RBMS1: variants seen among roughly 807,000 people sequenced by gnomAD.
The protein encoded by RBMS1 is RNA-binding motif, single-stranded-interacting protein 1.
In RBMS1, 17 loss-of-function variants were observed where a neutral mutation model predicts 62.3. That is an observed-to-expected ratio of 0.27 (90% confidence interval 0.19 to 0.41). The LOEUF is 0.41. RBMS1 is among the 10% of genes least tolerant of loss of function. The probability of loss-of-function intolerance (pLI) is 1.00; values close to 1 mark genes in which losing one functional copy is unlikely to be tolerated. For synonymous variants in RBMS1, 172 were observed against 170.0 expected (o/e 1.01, Z -0.09); for missense variants, 334 against 504.5 (o/e 0.66, Z 3.24).
chr2:160,330,628 T>TG (rs933996994), intron 2 of RBMS1, among the ~76,000 whole-genome samples: 16 of 151,816 alleles, frequency 1.1e-4, no homozygotes, highest in Non-Finnish European at 1.9e-4. Context: ...GTTTTTTTTT[T>TG]TTGTTTGTTT....
chr2:160,403,123 G>A (rs977467268), intron 1 of RBMS1, among the ~76,000 whole-genome samples: 5 of 152,312 alleles, frequency 3.3e-5, no homozygotes, highest in African/African-American at 1.2e-4. Context: ...GAATTGTACA[G>A]TTTTCAAATG....
intron 2 of RBMS1, among the ~76,000 whole-genome samples, chr2:160,346,596 C>A (rs927503051): frequency 1.3e-5 from 2 of 152,118 alleles, no homozygotes; most frequent in African/African-American, 4.8e-5. Flanking sequence ...GATACATTAA[C>A]CAATGCAGGA....
chr2:160,275,645 T>G lies in RBMS1; in HGVS notation c.1213A>C (p.Asn405His). 6.2e-7 allele frequency: 1 copy of G among 1,613,498 alleles called. No homozygotes were observed. The highest frequency in any genetic ancestry group is 8.5e-7 in the Non-Finnish European group (1 of 1,179,560). The change falls in exon 13 of 14, where the codon AAT (asparagine) becomes CAT (histidine). Residue 405 changes from asparagine (N) to histidine (H), a missense_variant. Asn to His is a moderately conservative substitution (Grantham distance 68). Coordinates refer to ENST00000348849, the MANE Select transcript of RBMS1 (RefSeq NM_016836.4). ...NDHSPYTFQPNK is the reference protein window; with the variant it reads ...NDHSPYTFQPHK Reference sequence around the variant, plus strand: ...TCCCTCATACCTCACAGTTACTTATTAGGTTGAAAGGTATATGGAGAATGG... The same window carrying G: ...TCCCTCATACCTCACAGTTACTTATGAGGTTGAAAGGTATATGGAGAATGG...
chr2:160,387,506 C>T (rs1394858499), intron 1 of RBMS1, among the ~76,000 whole-genome samples: 1 of 152,036 alleles, frequency 6.6e-6, no homozygotes, highest in Non-Finnish European at 1.5e-5. Flanking sequence ...TCTGATTAGA[C>T]AGCTGACCAG....
chr2:160,440,824 G>A (rs1683381260), intron 1 of RBMS1, among the ~76,000 whole-genome samples: 1 of 152,084 alleles, frequency 6.6e-6, no homozygotes, highest in Non-Finnish European at 1.5e-5. Context: ...TTTCCATCTT[G>A]GATTATTCAT....
At chr2:160,469,639 C>T (rs946971903) in intron 1 of RBMS1, among the ~76,000 whole-genome samples, 1 of 152,194 alleles carries the variant, frequency 6.6e-6, no homozygotes, top group Non-Finnish European at 1.5e-5. Flanking sequence ...CTACCCAGAC[C>T]TTCTGTTTCC....
chr2:160,396,118 A>T (rs1173696213), intron 1 of RBMS1, among the ~76,000 whole-genome samples: 1 of 152,120 alleles, frequency 6.6e-6, no homozygotes, highest in East Asian at 1.9e-4. Flanking sequence ...CCTTCGAGTG[A>T]TAAGAGCTGG....
chr2:160,443,106 T>C (rs1559556347), intron 1 of RBMS1, among the ~76,000 whole-genome samples: 1 of 151,406 alleles, frequency 6.6e-6, no homozygotes, highest in Non-Finnish European at 1.5e-5. Context: ...CTTGGGAGGC[T>C]GAGGCAGAAG....
At chr2:160,366,265 A>G (rs975890066) in intron 2 of RBMS1, among the ~76,000 whole-genome samples, 3 of 152,254 alleles carry the variant, frequency 2.0e-5, no homozygotes, top group Non-Finnish European at 4.4e-5. Flanking sequence ...TTTTCTTAAA[A>G]AAATAAGAAG....
chr2:160,424,598 C>G (rs1696571071), intron 1 of RBMS1, among the ~76,000 whole-genome samples: 2 of 152,102 alleles, frequency 1.3e-5, no homozygotes, highest in Admixed American at 1.3e-4. Context: ...GGAAGCTGAG[C>G]AACTGAATTT....
At chr2:160,382,520 G>A (rs148649515) in intron 1 of RBMS1, among the ~76,000 whole-genome samples, 121 of 152,218 alleles carry the variant, frequency 7.9e-4, no homozygotes, top group Non-Finnish European at 1.5e-3. Flanking sequence ...GGGGTATATG[G>A]GTATCTGTCT....
At chr2:160,366,360 T>A (rs1198688863) in intron 2 of RBMS1, among the ~76,000 whole-genome samples, 1 of 152,248 alleles carries the variant, frequency 6.6e-6, no homozygotes, top group Non-Finnish European at 1.5e-5. Context: ...GGAAACATTC[T>A]CTAGCAAAAG....
At chr2:160,311,238 A>ATATATATATATATATATC (rs1689881556) in intron 4 of RBMS1, among the ~76,000 whole-genome samples, 1 of 119,248 alleles carries the variant, frequency 8.4e-6, no homozygotes, top group African/African-American at 2.9e-5. Context: ...CTATCTATAT[A>ATATATATATATATATATC]TATATATATA....
intron 1 of RBMS1, among the ~76,000 whole-genome samples, chr2:160,414,708 A>G (rs1173977523): frequency 1.3e-5 from 2 of 152,148 alleles, no homozygotes; most frequent in Non-Finnish European, 2.9e-5. Flanking sequence ...AGGGTTATCT[A>G]TAAGTTTCTG....
chr2:160,320,289 A>G (rs1050714982), intron 2 of RBMS1, among the ~76,000 whole-genome samples: 1 of 152,152 alleles, frequency 6.6e-6, no homozygotes, highest in African/African-American at 2.4e-5. Flanking sequence ...GCAACACGGC[A>G]AAACCCCGTC....
At chr2:160,424,212 T>A (rs1042371769) in intron 1 of RBMS1, among the ~76,000 whole-genome samples, 1 of 151,774 alleles carries the variant, frequency 6.6e-6, no homozygotes, top group Non-Finnish European at 1.5e-5. Context: ...CAGAGACAGG[T>A]TTCACCATGT....
chr2:160,368,793 C>T (rs975328143), intron 1 of RBMS1, among the ~76,000 whole-genome samples: 3 of 152,118 alleles, frequency 2.0e-5, no homozygotes, highest in Non-Finnish European at 2.9e-5. Flanking sequence ...ACGCACAACA[C>T]CATGCCTGGC....
chr2:160,302,701 G>C (rs890110782), intron 5 of RBMS1: 4 of 149,804 alleles, frequency 2.7e-5, no homozygotes, highest in Non-Finnish European at 5.9e-5. Context: ...TAGAGACAGG[G>C]TTTCGCCACG....
At position 160,493,305 on chromosome 2, in the gene RBMS1, T is replaced by TG; in HGVS notation, c.58dup (p.Gln20ProfsTer26). On this transcript the variant is annotated frameshift_variant, in exon 1 of 14. Transcript: ENST00000348849. LOFTEE classifies it high-confidence loss of function. The stretch of plus-strand genomic sequence containing the variant: ...CCCCTTTACCTTGGCTTGCAGATAC[T>TG]GGGGGTAATAGTAGGTGGCGTACTG... 1 of 1,613,286 alleles carries TG rather than the reference T, an allele frequency of 6.2e-7. No homozygotes were observed. Among genetic ancestry groups the TG allele is most frequent in the Non-Finnish European group, 8.5e-7 (1 of 1,179,456 alleles).
Sources: allele counts gnomAD v4.1 joint callset (sites outside exome capture counted in the v4.1 genomes callset), GRCh38; gene constraint gnomAD v4.1.1; transcripts MANE v1.5; gene names NCBI Gene and HGNC (gene_info 2026-07-23, HGNC 2026-07-21).